Variants in TUBGCP3 observed in about 807,000 individuals in gnomAD.
The protein encoded by TUBGCP3 is tubulin gamma complex component 3.
Under a neutral mutation model 123.1 loss-of-function variants are expected in TUBGCP3, and 50 were observed. That is an observed-to-expected ratio of 0.41 (90% confidence interval 0.32 to 0.51). The LOEUF (loss-of-function observed/expected upper bound fraction) is 0.51. Among genes scored for constraint, TUBGCP3 ranks in the 20% least tolerant of loss-of-function variants. The pLI is 0.36. For synonymous variants in TUBGCP3, 405 were observed against 413.9 expected (o/e 0.98, Z 0.26); for missense variants, 882 against 1,127.0 (o/e 0.78, Z 3.11).
intron 17 of TUBGCP3, among the ~76,000 whole-genome samples, chr13:112,512,426 T>TAAAAAA (rs1307183997): frequency 1.7e-5 from 1 of 57,712 alleles, no homozygotes; most frequent in African/African-American, 1.2e-4. Flanking sequence ...AGACTCTGTC[T>TAAAAAA]CAAAAAAAAA....
intron 14 of TUBGCP3, among the ~76,000 whole-genome samples, chr13:112,521,169 C>G (rs1222672698): frequency 6.6e-6 from 1 of 152,328 alleles, no homozygotes; most frequent in South Asian, 2.1e-4. Flanking sequence ...AACATTTCCC[C>G]TTTAAAAGCT....
chr13:112,547,579 G>T, intron 10 of TUBGCP3, 41 bp downstream of exon 10: 1 of 1,439,888 alleles, frequency 6.9e-7, no homozygotes, highest in Admixed American at 2.5e-5. Flanking sequence ...TGGGAAAGTC[G>T]CGCGTGGGAA....
chr13:112,577,176 A>G (rs924704727), intron 1 of TUBGCP3, among the ~76,000 whole-genome samples: 3 of 152,184 alleles, frequency 2.0e-5, no homozygotes, highest in Non-Finnish European at 2.9e-5. Flanking sequence ...ACTCCATATC[A>G]TAAGTGTGGG....
intron 1 of TUBGCP3, among the ~76,000 whole-genome samples, chr13:112,575,992 G>A (rs1395872534): frequency 6.6e-6 from 1 of 152,194 alleles, no homozygotes; most frequent in Non-Finnish European, 1.5e-5. Context: ...AAACACAGGG[G>A]AATAAACGAA....
the TUBGCP3 span, among the ~76,000 whole-genome samples, chr13:112,599,611 A>C: frequency 2.6e-5 from 4 of 151,948 alleles, no homozygotes; most frequent in Non-Finnish European, 4.4e-5. Context: ...GGTTCAAGAG[A>C]TTCTCCTACC....
chr13:112,589,126 C>G (rs991350168), upstream of TUBGCP3, among the ~76,000 whole-genome samples: 16 of 152,246 alleles, frequency 1.1e-4, no homozygotes, highest in African/African-American at 3.9e-4. Flanking sequence ...GCGATCACCC[C>G]TCACTGCCTT....
intron 11 of TUBGCP3, among the ~76,000 whole-genome samples, chr13:112,535,967 T>C (rs932673863): frequency 6.6e-6 from 1 of 152,274 alleles, no homozygotes; most frequent in Non-Finnish European, 1.5e-5. Flanking sequence ...GAGATCCCAA[T>C]GCATTCTTCT....
At chr13:112,527,799 T>C (rs1270710334) in intron 11 of TUBGCP3, among the ~76,000 whole-genome samples, 3 of 152,208 alleles carry the variant, frequency 2.0e-5, no homozygotes, top group Non-Finnish European at 4.4e-5. Context: ...TCAGTAACGG[T>C]GCAGGCTTTT....
chr13:112,486,995 G>A (rs977288261), intron 21 of TUBGCP3, among the ~76,000 whole-genome samples: 5 of 152,114 alleles, frequency 3.3e-5, no homozygotes, highest in African/African-American at 9.7e-5. Flanking sequence ...GCAGGCCTGG[G>A]CACAGGCTCT....
chr13:112,545,910 CT>C lies in TUBGCP3; in HGVS notation c.1169-46del. ...ATACACAAAAACATCCACATTTACA[CT>C]CATAGTACACACCAGTCACTTCTCA... On this transcript the variant is annotated intron_variant, in intron 10 of 21. Transcript: ENST00000261965. The surrounding 1 kb of genome is among the most constrained non-coding windows in gnomAD (Gnocchi z 4.1). The C allele has an allele frequency of 6.3e-7, 1 of 1,592,164 alleles. No homozygotes were observed. Among genetic ancestry groups the C allele is most frequent in the African/African-American group, 1.3e-5 (1 of 74,520 alleles).
At chr13:112,569,403 T>G in intron 1 of TUBGCP3, 144 bp from the exon 2 acceptor site, 2 of 635,956 alleles carry the variant, frequency 3.1e-6, no homozygotes, top group Non-Finnish European at 5.4e-6. Context: ...AGAAAAGCTA[T>G]TAAGATATCA....
chr13:112,592,756 C>T (rs947527211), upstream of TUBGCP3, among the ~76,000 whole-genome samples: 3 of 152,216 alleles, frequency 2.0e-5, no homozygotes, highest in African/African-American at 7.2e-5. This position sits in a 1 kb window ranked among gnomAD's most constrained non-coding sequence, Gnocchi z 4.1. Context: ...GGGTTGGGCA[C>T]AGGGGATACC....
intron 11 of TUBGCP3, chr13:112,544,518 C>T (rs1294475020): frequency 6.6e-6 from 1 of 150,612 alleles, no homozygotes; most frequent in Non-Finnish European, 1.5e-5. Context: ...CCAGAACCCA[C>T]GTTAGAGAAA....
At chr13:112,599,961 A>C in the TUBGCP3 span, among the ~76,000 whole-genome samples, 3 of 152,208 alleles carry the variant, frequency 2.0e-5, no homozygotes, top group African/African-American at 7.2e-5. Context: ...TATAATTAGC[A>C]TCTTGCATTA....
At chr13:112,510,261 C>G (rs1450945177) in intron 17 of TUBGCP3, among the ~76,000 whole-genome samples, 1 of 152,198 alleles carries the variant, frequency 6.6e-6, no homozygotes, top group African/African-American at 2.4e-5. Context: ...GCACCTTCCG[C>G]CAGAACCCCC....
the TUBGCP3 span, among the ~76,000 whole-genome samples, chr13:112,598,760 T>C: frequency 6.6e-6 from 1 of 152,132 alleles, no homozygotes; most frequent in East Asian, 1.9e-4. Flanking sequence ...CTGGCTAACA[T>C]GGTGAAACCC....
At chr13:112,534,529 A>T (rs1028430252) in intron 11 of TUBGCP3, among the ~76,000 whole-genome samples, 1 of 152,164 alleles carries the variant, frequency 6.6e-6, no homozygotes, top group African/African-American at 2.4e-5. Flanking sequence ...CCTGGGCGAC[A>T]GAGGGAAACT....
intron 21 of TUBGCP3, 42 bp from the exon 22 acceptor site, chr13:112,486,193 A>T: frequency 6.2e-7 from 1 of 1,608,344 alleles, no homozygotes; most frequent in Non-Finnish European, 8.5e-7. Context: ...TTCAGAAAAG[A>T]ACAACCCACA....
chr13:112,558,472 C>G (rs1880240543), intron 4 of TUBGCP3, 59 bp from the exon 5 acceptor site: 2 of 1,381,768 alleles, frequency 1.4e-6, no homozygotes, highest in South Asian at 1.7e-5. Context: ...TCTTCCCAAA[C>G]CTAAAAAGGT....
Sources: gnomAD v4.1 joint callset for allele counts (sites outside exome capture counted in the v4.1 genomes callset) on GRCh38, gnomAD v4.1.1 for gene constraint, Gnocchi (gnomAD v3.1) non-coding constraint, MANE v1.5 for transcripts, NCBI Gene and HGNC (gene_info 2026-07-23, HGNC 2026-07-21) for gene names.